CA5A: variants seen among roughly 807,000 people sequenced by gnomAD.
The protein encoded by CA5A is carbonic anhydrase 5A, also known as carbonic anhydrase 5A, mitochondrial.
A neutral mutation model predicts 37.1 loss-of-function variants in CA5A; 28 were observed. The ratio of observed to expected loss-of-function variants is 0.75; its 90% CI spans 0.56 to 1.03. CA5A has a LOEUF of 1.03. Among genes scored for constraint, CA5A ranks in the 50% least tolerant of loss-of-function variants. CA5A has a pLI of 0.00. For missense variants in CA5A, 444 were observed against 399.9 expected, an observed-to-expected ratio of 1.11 and a Z score of -0.94; for synonymous variants, 171 against 158.4, an observed-to-expected ratio of 1.08 and a Z score of -0.60.
chr16:87,896,699 GGC>G (rs1327360772), intron 5 of CA5A, among the ~76,000 whole-genome samples: 2 of 152,220 alleles, frequency 1.3e-5, no homozygotes, highest in East Asian at 3.9e-4. Flanking sequence ...GGAGTGCAAT[GGC>G]ACGATCTCGG....
chr16:87,929,777 CA>C (rs1162628363), intron 1 of CA5A, among the ~76,000 whole-genome samples: 1 of 143,400 alleles, frequency 7.0e-6, no homozygotes, highest in Non-Finnish European at 1.5e-5. Flanking sequence ...GAGGCTGAGG[CA>C]GCAGAATGGC....
intron 3 of CA5A, among the ~76,000 whole-genome samples, chr16:87,903,985 C>T (rs2055919721): frequency 1.3e-5 from 2 of 152,136 alleles, no homozygotes; most frequent in South Asian, 4.1e-4. Context: ...CAATTCCCAA[C>T]ATTGATATGC....
chr16:87,908,990 T>C (rs1396793485), intron 2 of CA5A, among the ~76,000 whole-genome samples: 4 of 43,570 alleles, frequency 9.2e-5, no homozygotes, highest in Non-Finnish European at 1.8e-4. Flanking sequence ...CACCCGGCTA[T>C]TTTTTTTTTT....
chr16:87,926,708 C>T (rs781447309), intron 2 of CA5A, 40 bp downstream of exon 2: 18 of 1,522,630 alleles, frequency 1.2e-5, no homozygotes, highest in Admixed American at 1.0e-4. Context: ...GCCAGAACAA[C>T]GGGAGAGGAC....
At chr16:87,901,837 T>A in intron 5 of CA5A, 75 bp downstream of exon 5, 1 of 1,280,862 alleles carries the variant, frequency 7.8e-7, no homozygotes, top group Non-Finnish European at 1.1e-6. Flanking sequence ...TCCACCTGCC[T>A]CAGCCTCCCA....
Position 87,936,349 on chromosome 16 carries a change from A to T in CA5A, c.102T>A (p.Cys34Ter). ...TTTGCCATGCACAGGAACGCTGAGA[A>T]CACCATCGCCCTGGCCTCATCGAAC... ...WSRSMRPGRW[C>*]SQRSCAWQTS... The change falls in exon 1 of 7, where the codon TGT (cysteine) becomes TGA (stop). Residue 34 changes from cysteine to a stop codon, truncating the protein, a stop_gained. Transcript: ENST00000649794. LOFTEE classifies it high-confidence loss of function. The T allele has an allele frequency of 1.9e-6, 3 of 1,614,004 alleles. No individual in the cohort carries two copies. The highest frequency in any genetic ancestry group is 2.5e-6 in the Non-Finnish European group (3 of 1,179,944).
At chr16:87,913,699 CCCT>C (rs1311978205) in intron 2 of CA5A, among the ~76,000 whole-genome samples, 2 of 152,016 alleles carry the variant, frequency 1.3e-5, no homozygotes, top group African/African-American at 4.8e-5. Flanking sequence ...CAGCTTCCCT[CCCT>C]CCTCCTCCAC....
rs752962869 is a variant in CA5A, at chr16:87,911,668, CA to C, written c.341-6765del. Among the ~76,000 whole-genome samples, 2 of 152,160 alleles carry C rather than the reference CA, an allele frequency of 1.3e-5. No individual in the cohort carries two copies. The highest frequency in any genetic ancestry group is 2.4e-5 in the African/African-American group (1 of 41,438). Reference sequence around the variant, plus strand: ...AGGCAGGCAGGGGCCGCAGCCACTGCAAGCCCCTGCCCACAGAACTCCGCGA... The same window carrying C: ...AGGCAGGCAGGGGCCGCAGCCACTGCAGCCCCTGCCCACAGAACTCCGCGA... On this transcript the variant is annotated intron_variant, in intron 2 of 6. Coordinates refer to ENST00000649794, the MANE Select transcript of CA5A (RefSeq NM_001739.2). This position sits in a 1 kb window ranked among gnomAD's most constrained non-coding sequence, Gnocchi z 4.6.
chr16:87,925,187 T>A (rs919724264), intron 2 of CA5A, among the ~76,000 whole-genome samples: 1 of 152,156 alleles, frequency 6.6e-6, no homozygotes, highest in Admixed American at 6.5e-5. Context: ...TGGCTGCGGC[T>A]GCTTTGGGGC....
At chr16:87,905,053 G>A (rs528596959) in intron 2 of CA5A, 149 bp from the exon 3 acceptor site, 53 of 684,390 alleles carry the variant, frequency 7.7e-5, no homozygotes, top group Non-Finnish European at 1.3e-4. Flanking sequence ...GGTGGGCTCC[G>A]TGAAAGGTGG....
At chr16:87,923,661 G>C (rs891232671) in intron 2 of CA5A, 2 of 985,314 alleles carry the variant, frequency 2.0e-6, no homozygotes, top group African/African-American at 3.5e-5. Flanking sequence ...TCAGCCACCA[G>C]ACCCTTTGCC....
intron 1 of CA5A, among the ~76,000 whole-genome samples, chr16:87,929,713 A>C (rs1328584166): frequency 6.6e-6 from 1 of 151,490 alleles, no homozygotes; most frequent in Non-Finnish European, 1.5e-5. Flanking sequence ...TCTACTAAAA[A>C]TACAAAAAAT....
At chr16:87,916,376 T>C (rs1342874802) in intron 2 of CA5A, among the ~76,000 whole-genome samples, 6 of 152,210 alleles carry the variant, frequency 3.9e-5, no homozygotes, top group South Asian at 4.1e-4. Flanking sequence ...GTTTGTGTAA[T>C]ATTTAGGATG....
intron 1 of CA5A, among the ~76,000 whole-genome samples, chr16:87,929,691 T>C (rs556453086): frequency 2.0e-3 from 297 of 151,008 alleles, no homozygotes; most frequent in African/African-American, 6.9e-3. Flanking sequence ...GCTAACACCG[T>C]GAAACCCGGT....
chr16:87,899,451 C>T (rs12921873), intron 5 of CA5A, among the ~76,000 whole-genome samples: 25,626 of 150,382 alleles, frequency 0.17, 2,417 homozygotes, highest in South Asian at 0.27. Flanking sequence ...TACAGGCACC[C>T]GCCACCACGC....
chr16:87,928,862 A>G (rs112522990), intron 1 of CA5A, among the ~76,000 whole-genome samples: 5,604 of 136,384 alleles, frequency 0.041, 359 homozygotes, highest in African/African-American at 0.14. Context: ...TGTGCCTCCC[A>G]GGTTCAAGTG....
rs113834646 is a variant in CA5A at position 87,933,979 on chromosome 16, G to T, written c.142+2330C>A. ...GTAAATGGATTTAGGTGCCGATACA[G>T]AATATGACTCTCTCTAGCACACGAT... On this transcript the variant is annotated intron_variant, in intron 1 of 6. Transcript: ENST00000649794. Among the ~76,000 whole-genome samples the T allele has an allele frequency of 2.3e-4, 35 of 152,336 alleles. 2 individuals are homozygous for T. Among genetic ancestry groups the T allele is most frequent in the African/African-American group, 8.4e-4 (35 of 41,568 alleles).
chr16:87,921,868 T>C (rs1285608886), intron 2 of CA5A, among the ~76,000 whole-genome samples: 1 of 76,294 alleles, frequency 1.3e-5, no homozygotes, highest in African/African-American at 5.5e-5. Flanking sequence ...TTGTTATTAT[T>C]ATTATTATTA....
rs536985266 is a variant in CA5A, at chr16:87,931,272, C to T, written c.143-4327G>A. Among the ~76,000 whole-genome samples, 135 of 150,836 alleles carry T rather than the reference C, an allele frequency of 9.0e-4. 2 individuals carry two copies. Among genetic ancestry groups the T allele is most frequent in the Admixed American group, 7.3e-4 (11 of 15,118 alleles). On this transcript the variant is annotated intron_variant, in intron 1 of 6. Transcript: ENST00000649794. ...GATTACAGGTGCCTACCACCACGCC[C>T]GGCTACTTTTTGTATTTTTAGTAGA...
Sources: gnomAD v4.1 joint callset for allele counts (sites outside exome capture counted in the v4.1 genomes callset) on GRCh38, gnomAD v4.1.1 for gene constraint, Gnocchi (gnomAD v3.1) non-coding constraint, MANE v1.5 for transcripts, NCBI Gene and HGNC (gene_info 2026-07-23, HGNC 2026-07-21) for gene names.